ANO2: variants seen among roughly 807,000 people sequenced by gnomAD.
ANO2 encodes the protein anoctamin-2.
Under a neutral mutation model 124.2 loss-of-function variants are expected in ANO2, and 101 were observed. That is an observed-to-expected ratio of 0.81 (90% CI 0.69 to 0.96). The LOEUF (loss-of-function observed/expected upper bound fraction) is 0.96, where lower values mean the gene tolerates loss of function less well. ANO2 is among the 40% of genes least tolerant of loss of function. The probability of loss-of-function intolerance (pLI) is 0.00; values close to 1 mark genes in which losing one functional copy is unlikely to be tolerated. For missense variants in ANO2, 1,293 were observed against 1,274.5 expected, an observed-to-expected ratio of 1.01 and a Z score of -0.22; for synonymous variants, 486 against 482.5, an observed-to-expected ratio of 1.01 and a Z score of -0.09.
chr12:5,790,869 G>C (rs563971705), intron 10 of ANO2, among the ~76,000 whole-genome samples: 8 of 152,240 alleles, frequency 5.3e-5, no homozygotes, highest in Admixed American at 1.3e-4. Context: ...GCTGTTAACA[G>C]ACTCAGAGCT....
rs77222158 is a variant in ANO2 at position 5,842,778 on chromosome 12, G to A, written c.634-10175C>T. ...CTGAAAGGCCTCCACGTAGTCAACCGGGCCTGGGGTCTTCCCAGGCTCATA... is the reference window on the plus strand; with the variant it reads ...CTGAAAGGCCTCCACGTAGTCAACCAGGCCTGGGGTCTTCCCAGGCTCATA... On this transcript the variant is annotated intron_variant, in intron 4 of 24. Transcript: ENST00000682330. 8.4e-3 allele frequency among the ~76,000 whole-genome samples: 1,277 copies of A among 152,244 alleles called. 22 individuals are homozygous for A. The highest frequency in any genetic ancestry group is 0.028 in the African/African-American group (1,151 of 41,542).
intron 10 of ANO2, among the ~76,000 whole-genome samples, chr12:5,755,249 G>T (rs933418445): frequency 3.3e-5 from 5 of 151,736 alleles, no homozygotes; most frequent in African/African-American, 1.2e-4. Flanking sequence ...CAAGGTTTCT[G>T]CTGAGAAGTC....
Position 5,759,753 on chromosome 12 carries a change from C to T in ANO2, c.1056-8783G>A, listed in dbSNP as rs1048868779. 4.0e-5 allele frequency among the ~76,000 whole-genome samples: 6 copies of T among 151,310 alleles called. No individual in the cohort carries two copies. The East Asian group carries it at 5.8e-4, about 15-fold the overall frequency. On this transcript the variant is annotated intron_variant, in intron 10 of 24. Coordinates refer to ENST00000682330, the MANE Select transcript of ANO2 (RefSeq NM_001364791.2). ...CTGATCCCTGGTGCCAAAAAGGTTG[C>T]GGACTGCTGCCTTAAAGTATGGAAA...
chr12:5,781,243 T>C (rs1952384839), intron 10 of ANO2, among the ~76,000 whole-genome samples: 1 of 152,252 alleles, frequency 6.6e-6, no homozygotes, highest in Non-Finnish European at 1.5e-5. Flanking sequence ...TCATGAATGT[T>C]AGAAAAGGGC....
At chr12:5,924,542 G>C (rs78089679) in intron 1 of ANO2, among the ~76,000 whole-genome samples, 5,602 of 152,254 alleles carry the variant, frequency 0.037, 240 homozygotes, top group African/African-American at 0.11. Context: ...CCTTGTGGGA[G>C]GAAAATGAAA....
chr12:5,939,722 T>C (rs1349887654), intron 1 of ANO2, among the ~76,000 whole-genome samples: 6 of 152,232 alleles, frequency 3.9e-5, no homozygotes, highest in Non-Finnish European at 7.3e-5. Context: ...AGAACAGGCA[T>C]GGAAGGCTTC....
intron 1 of ANO2, among the ~76,000 whole-genome samples, chr12:5,924,184 G>A (rs970090215): frequency 5.3e-5 from 8 of 152,144 alleles, no homozygotes; most frequent in East Asian, 3.8e-4. Flanking sequence ...CAGAACTCCC[G>A]GCCCTTTGCC....
At chr12:5,638,716 G>C (rs560345709) in intron 15 of ANO2, among the ~76,000 whole-genome samples, 30 of 151,992 alleles carry the variant, frequency 2.0e-4, no homozygotes, top group Non-Finnish European at 4.0e-4. Context: ...CCGTAGAACT[G>C]GTTTGGTAAA....
intron 14 of ANO2, among the ~76,000 whole-genome samples, chr12:5,662,121 T>C (rs1340747986): frequency 6.6e-6 from 1 of 152,260 alleles, no homozygotes; most frequent in East Asian, 1.9e-4. Context: ...CTCTCGCAGT[T>C]GTTCAGGGAG....
intron 14 of ANO2, among the ~76,000 whole-genome samples, chr12:5,678,161 T>G (rs1948336299): frequency 6.6e-6 from 1 of 152,182 alleles, no homozygotes; most frequent in African/African-American, 2.4e-5. Context: ...GCTAGATAAT[T>G]GATGCTGGCA....
chr12:5,863,670 C>A (rs1362348748), intron 3 of ANO2, among the ~76,000 whole-genome samples: 1 of 151,930 alleles, frequency 6.6e-6, no homozygotes, highest in Non-Finnish European at 1.5e-5. Context: ...GAACACATGT[C>A]AAAACTCAAC....
intron 4 of ANO2, among the ~76,000 whole-genome samples, chr12:5,839,345 G>GT (rs1372271004): frequency 6.6e-6 from 1 of 152,146 alleles, no homozygotes; most frequent in Non-Finnish European, 1.5e-5. Flanking sequence ...CTGTCTGAAA[G>GT]GGAACAGCAC....
intron 16 of ANO2, among the ~76,000 whole-genome samples, chr12:5,619,065 T>C (rs530845209): frequency 6.6e-6 from 1 of 152,312 alleles, no homozygotes; most frequent in Admixed American, 6.5e-5. Context: ...CCTCTCACAC[T>C]GCACAACTGC....
intron 10 of ANO2, among the ~76,000 whole-genome samples, chr12:5,781,529 T>C (rs1319278831): frequency 1.3e-5 from 2 of 152,252 alleles, no homozygotes; most frequent in Non-Finnish European, 2.9e-5. Flanking sequence ...TCAGAGAATA[T>C]AAAAGAACAG....
intron 14 of ANO2, among the ~76,000 whole-genome samples, chr12:5,724,096 T>C (rs1364893018): frequency 2.6e-5 from 4 of 152,058 alleles, no homozygotes; most frequent in Non-Finnish European, 5.9e-5. Context: ...GTCCATGAAA[T>C]GCCCATATAA....
intron 4 of ANO2, among the ~76,000 whole-genome samples, chr12:5,842,211 A>G (rs1165605210): frequency 6.6e-6 from 1 of 152,088 alleles, no homozygotes; most frequent in Non-Finnish European, 1.5e-5. Flanking sequence ...GCCATACAAC[A>G]TCTGAATCCT....
chr12:5,569,900 A>G (rs556016851), intron 23 of ANO2, among the ~76,000 whole-genome samples: 1 of 152,330 alleles, frequency 6.6e-6, no homozygotes, highest in South Asian at 2.1e-4. Flanking sequence ...TTCTTCTTAT[A>G]TACATACACA....
In ANO2 at chr12:5,945,183, C is replaced by A. The variant is rs910704393; in HGVS notation, c.22+13G>T. The A allele has an allele frequency of 1.6e-6, 2 of 1,288,822 alleles. No homozygotes were observed. The highest frequency in any genetic ancestry group is 1.5e-5 in the African/African-American group (1 of 65,970). The allele number at this position is 1,288,822 out of a possible 1,614,324, so 79.8% of individuals were successfully genotyped here. A position where few individuals can be genotyped will look rare whatever the true frequency, so the allele number is the denominator to read the frequency against. On this transcript the variant is annotated intron_variant, in intron 1 of 24. Transcript: ENST00000682330. Reference sequence around the variant, plus strand: ...TGTAGGAGACCAGGACCAGGTCCAGCCGGAAAACTCACCGCGCGGCCCGGG... The same window carrying A: ...TGTAGGAGACCAGGACCAGGTCCAGACGGAAAACTCACCGCGCGGCCCGGG...
intron 7 of ANO2, 39 bp downstream of exon 7, chr12:5,827,730 G>GCGCC (rs1234886512): frequency 1.3e-6 from 2 of 1,593,126 alleles, no homozygotes; most frequent in East Asian, 2.3e-5. Context: ...AGCCGCCTCA[G>GCGCC]CGCCCGTCAG....
Sources: allele counts gnomAD v4.1 joint callset (sites outside exome capture counted in the v4.1 genomes callset), GRCh38; gene constraint gnomAD v4.1.1; transcripts MANE v1.5; gene names NCBI Gene and HGNC (gene_info 2026-07-23, HGNC 2026-07-21).